The following DZIP1 variants were observed in gnomAD, a reference collection of about 807,000 sequenced individuals.
DZIP1 encodes cilium assembly protein DZIP1.
Under a neutral mutation model 107.6 loss-of-function variants are expected in DZIP1, and 97 were observed. That is an observed-to-expected ratio of 0.90 (90% CI 0.77 to 1.07). DZIP1 has a LOEUF of 1.07. Ranked by LOEUF, DZIP1 falls within the 50% of genes least tolerant of loss-of-function variation. The pLI, the probability that DZIP1 is intolerant of heterozygous loss-of-function variation, is 0.00. For synonymous variants in DZIP1, 390 were observed against 386.4 expected (o/e 1.01, Z -0.11); for missense variants, 1,035 against 1,063.6 (o/e 0.97, Z 0.37).
chr13:95,582,953 A>G (rs995900364), intron 22 of DZIP1, among the ~76,000 whole-genome samples: 3 of 152,190 alleles, frequency 2.0e-5, no homozygotes, highest in African/African-American at 7.2e-5. Flanking sequence ...CTGGTTTTCA[A>G]TAATTAGAGT....
chr13:95,639,996 TTA>T (rs1386365913), intron 5 of DZIP1, among the ~76,000 whole-genome samples: 2 of 114,752 alleles, frequency 1.7e-5, no homozygotes, highest in Non-Finnish European at 4.0e-5. Flanking sequence ...TTATTTTTAT[TTA>T]TTTTTTTTTT....
chr13:95,596,304 AGCAGACGCCCAG>A (rs904189747), intron 15 of DZIP1, among the ~76,000 whole-genome samples: 1 of 152,162 alleles, frequency 6.6e-6, no homozygotes, highest in Non-Finnish European at 1.5e-5. Flanking sequence ...AACACAAACA[AGCAGACGCCCAG>A]GCTAATGCAC....
intron 5 of DZIP1, among the ~76,000 whole-genome samples, chr13:95,639,418 T>C (rs1369812734): frequency 3.9e-5 from 6 of 151,900 alleles, no homozygotes; most frequent in African/African-American, 1.4e-4. Context: ...CGGTGAAACC[T>C]CGTCTCTACT....
intron 14 of DZIP1, among the ~76,000 whole-genome samples, chr13:95,603,511 G>A (rs139513773): frequency 2.0e-5 from 3 of 152,038 alleles, no homozygotes; most frequent in Non-Finnish European, 2.9e-5. Context: ...TGCACTCGTC[G>A]CTCTAAAAGT....
At position 95,640,736 on chromosome 13, in the gene DZIP1, C is replaced by G. The variant is rs1022138466; in HGVS notation, c.597+559G>C. 2.6e-5 allele frequency among the ~76,000 whole-genome samples: 4 copies of G among 151,988 alleles called. No homozygotes were observed. In the East Asian group the frequency reaches 7.7e-4, roughly 29 times the overall value. The stretch of plus-strand genomic sequence containing the variant: ...TCTTGTTCTTAGAAAATATACACAT[C>G]GAAATATTTAGGATCTGCAACTCAC... On this transcript the variant is annotated intron_variant, in intron 5 of 22. Transcript: ENST00000376829.
At chr13:95,615,396 G>A (rs959373691) in intron 10 of DZIP1, among the ~76,000 whole-genome samples, 1 of 152,170 alleles carries the variant, frequency 6.6e-6, no homozygotes, top group African/African-American at 2.4e-5. Context: ...TAGAAAGATG[G>A]CTTGAAGAAT....
chr13:95,584,853 A>G lies in DZIP1; in HGVS notation c.2407T>C (p.Leu803=). The G allele has an allele frequency of 6.2e-7, 1 of 1,614,016 alleles. No homozygotes were observed. Among genetic ancestry groups the G allele is most frequent in the Non-Finnish European group, 8.5e-7 (1 of 1,180,002 alleles). ...DISSLEEEIS[L]GKKSGKEQKE... is the part of the protein sequence containing the mutation. ...TGTTCTTTCCCAGATTTTTTTCCCA[A>G]AGATATCTCTTCCTCTAGGGATGAT... The change falls in exon 22 of 23, where the codon TTG becomes CTG. Residue 803 remains leucine (L), a synonymous_variant. Coordinates refer to ENST00000376829, the MANE Select transcript of DZIP1 (RefSeq NM_198968.4).
At chr13:95,617,591 C>T (rs922518252) in intron 10 of DZIP1, among the ~76,000 whole-genome samples, 2 of 151,320 alleles carry the variant, frequency 1.3e-5, no homozygotes, top group African/African-American at 4.9e-5. Context: ...GAAGGGCTTG[C>T]CAACAATGAA....
At chr13:95,625,006 G>C in intron 7 of DZIP1, 77 bp from the exon 8 acceptor site, 1 of 1,294,492 alleles carries the variant, frequency 7.7e-7, no homozygotes. Flanking sequence ...AAAGTTCATA[G>C]CATCACTTCA....
intron 16 of DZIP1, among the ~76,000 whole-genome samples, chr13:95,591,494 GCTTCCCTCAGCCTTCCCAGTC>G (rs2044312079): frequency 6.6e-6 from 1 of 151,944 alleles, no homozygotes; most frequent in African/African-American, 2.4e-5. Flanking sequence ...CATCCCCCTT[GCTTCCCTCAGCCTTCCCAGTC>G]CCAGGGAGTG....
chr13:95,582,110 C>CA lies in DZIP1; in HGVS notation c.*123dup, dbSNP rs2044022826. 2 of 818,390 alleles carry CA rather than the reference C, an allele frequency of 2.4e-6. No individual in the cohort carries two copies. The highest frequency in any genetic ancestry group is 4.1e-6 in the Non-Finnish European group (2 of 489,480). 50.7% of individuals were successfully genotyped at this position (818,390 alleles called of 1,614,324 possible). ...TTAAAGAGACCATTGTTCTTTGAATCAGTCTCTGTGTTGCTGTGGGAAACA... is the reference window on the plus strand; with the variant it reads ...TTAAAGAGACCATTGTTCTTTGAATCAAGTCTCTGTGTTGCTGTGGGAAACA... On this transcript the variant is annotated 3_prime_UTR_variant, in exon 23 of 23. Coordinates refer to ENST00000376829, the MANE Select transcript of DZIP1 (RefSeq NM_198968.4).
At chr13:95,623,766 C>A (rs1165060710) in intron 8 of DZIP1, among the ~76,000 whole-genome samples, 3 of 152,046 alleles carry the variant, frequency 2.0e-5, no homozygotes, top group African/African-American at 7.2e-5. Context: ...CATGGTGAAA[C>A]CGTCTCTACT....
chr13:95,578,235 A>G lies in DZIP1; in HGVS notation c.*3999T>C, dbSNP rs1201765842. ...TATAAAAAATAAACAGTTTATTTAC[A>G]GGATTTGTAAAATGTTTTCTACATT... is the stretch of plus-strand genomic sequence containing the variant. On this transcript the variant is annotated 3_prime_UTR_variant, in exon 23 of 23. Transcript: ENST00000376829. The G allele has an allele frequency of 8.7e-6, 3 of 343,366 alleles. No individual in the cohort carries two copies. Among genetic ancestry groups the G allele is most frequent in the Non-Finnish European group, 1.1e-5 (2 of 189,814 alleles). 21.3% of individuals were successfully genotyped at this position (343,366 alleles called of 1,614,324 possible).
rs1460897772 is a variant in DZIP1, at chr13:95,578,318, C to G, written c.*3916G>C. The stretch of plus-strand genomic sequence containing the variant: ...GGTTCAAGAAGTATTCGTACTCTAG[C>G]CTTTTTAATCATTCATAGATAGAAG... On this transcript the variant is annotated 3_prime_UTR_variant, in exon 23 of 23. Transcript: ENST00000376829. 1 of 190,898 alleles carries G rather than the reference C, an allele frequency of 5.2e-6. No homozygotes were observed. The highest frequency in any genetic ancestry group is 1.1e-5 in the Non-Finnish European group (1 of 93,036). 11.8% of individuals were successfully genotyped at this position (190,898 alleles called of 1,614,324 possible).
Position 95,641,755 on chromosome 13 carries a change from G to A in DZIP1, c.137C>T (p.Ala46Val). 1.3e-6 allele frequency: 2 copies of A among 1,585,174 alleles called. No individual in the cohort carries two copies. The highest frequency in any genetic ancestry group is 1.3e-5 in the African/African-American group (1 of 74,652). ...GGGCCCCGAAGCCGCGCTGGGGGGC[G>A]CACAGGCCATGGAGGCCGCACCCGC... is the stretch of plus-strand genomic sequence containing the variant. ...AAAGAASMAC[A>V]PPSAASGPLP... Residue 46 changes from alanine (A) to valine (V), a missense_variant, in exon 5 of 23, where the codon GCG (alanine) becomes GTG (valine). By Grantham distance (64) the Ala-to-Val change is moderately conservative. Transcript: ENST00000376829. The surrounding 1 kb of genome is among the most constrained non-coding windows in gnomAD (Gnocchi z 4.3).
At chr13:95,585,291 T>C (rs184872738) in intron 21 of DZIP1, among the ~76,000 whole-genome samples, 3 of 152,310 alleles carry the variant, frequency 2.0e-5, no homozygotes, top group East Asian at 1.9e-4. Flanking sequence ...TGTGGGTACA[T>C]CAGACCAACC....
Position 95,593,111 on chromosome 13 carries a change from C to T in DZIP1, c.1680+833G>A, listed in dbSNP as rs572338054. ...ATAAAATTATGCAAACATGTATACC[C>T]ACAAATATAGCCACATACACACATA... On this transcript the variant is annotated intron_variant, in intron 16 of 22. Transcript: ENST00000376829. Among the ~76,000 whole-genome samples, 47 of 152,270 alleles carry T rather than the reference C, an allele frequency of 3.1e-4. No individual in the cohort carries two copies. The South Asian group carries it at 9.1e-3, about 30-fold the overall frequency.
rs78954321 is a variant in DZIP1 at position 95,638,754 on chromosome 13, A to C, written c.597+2541T>G. Among the ~76,000 whole-genome samples the C allele has an allele frequency of 3.4e-3, 522 of 152,194 alleles. 23 individuals carry two copies. The East Asian group carries it at 0.084, about 25-fold the overall frequency. ...CAAGCCTTCAAGAACAGGCATCTTTAATTTTTTTTTGTCTCAGCTACTCAG... is the reference window on the plus strand; with the variant it reads ...CAAGCCTTCAAGAACAGGCATCTTTCATTTTTTTTTGTCTCAGCTACTCAG... On this transcript the variant is annotated intron_variant, in intron 5 of 22. Transcript: ENST00000376829.
intron 16 of DZIP1, among the ~76,000 whole-genome samples, chr13:95,593,491 A>T (rs961508940): frequency 6.6e-6 from 1 of 152,246 alleles, no homozygotes; most frequent in Admixed American, 6.5e-5. Context: ...AAATTATTCA[A>T]TCTGGCAACA....
Sources: gnomAD v4.1 joint callset for allele counts (sites outside exome capture counted in the v4.1 genomes callset) on GRCh38, gnomAD v4.1.1 for gene constraint, Gnocchi (gnomAD v3.1) non-coding constraint, MANE v1.5 for transcripts, NCBI Gene and HGNC (gene_info 2026-07-23, HGNC 2026-07-21) for gene names.